The following TAF3 variants were observed in gnomAD, a reference collection of about 807,000 sequenced individuals.
TAF3 encodes the protein TATA-box binding protein associated factor 3, also known as transcription initiation factor TFIID subunit 3.
A neutral mutation model predicts 80.6 loss-of-function variants in TAF3; 7 were observed. The ratio of observed to expected loss-of-function variants is 0.09; its 90% CI spans 0.05 to 0.16. The LOEUF (loss-of-function observed/expected upper bound fraction) is 0.16. TAF3 is among the 10% of genes least tolerant of loss of function. The probability of loss-of-function intolerance (pLI) is 1.00; values close to 1 mark genes in which losing one functional copy is unlikely to be tolerated. For synonymous variants in TAF3, 444 were observed against 446.1 expected (o/e 1.00, Z 0.06); for missense variants, 921 against 1,140.2 (o/e 0.81, Z 2.77).
At chr10:7,904,187 C>T (rs1020781912) in intron 2 of TAF3, among the ~76,000 whole-genome samples, 20 of 152,152 alleles carry the variant, frequency 1.3e-4, no homozygotes, top group Admixed American at 2.0e-4. Context: ...GGTTGGGACA[C>T]GCTCTTCCGA....
At chr10:7,942,823 G>A (rs905785482) in intron 2 of TAF3, among the ~76,000 whole-genome samples, 1 of 152,202 alleles carries the variant, frequency 6.6e-6, no homozygotes, top group South Asian at 2.1e-4. Context: ...TCGTTTTTGG[G>A]CTCTTAACTC....
chr10:7,856,018 A>ATC (rs1308708329), intron 2 of TAF3, among the ~76,000 whole-genome samples: 1 of 152,158 alleles, frequency 6.6e-6, no homozygotes, highest in Non-Finnish European at 1.5e-5. Context: ...AAGCAAGAGC[A>ATC]GGGTGCTATT....
Position 7,973,030 on chromosome 10 carries a change from T to A in TAF3, c.2233-4211T>A, listed in dbSNP as rs191876287. Among the ~76,000 whole-genome samples the A allele has an allele frequency of 3.3e-5, 5 of 152,306 alleles. No individual in the cohort carries two copies. In the East Asian group the frequency reaches 9.6e-4, roughly 29 times the overall value. ...GGGTGAACAGGGGATGAATTTGGTGTCAGGAGACCTGGATTTAGGCCATTT... is the reference window on the plus strand; with the variant it reads ...GGGTGAACAGGGGATGAATTTGGTGACAGGAGACCTGGATTTAGGCCATTT... On this transcript the variant is annotated intron_variant, in intron 3 of 6. Coordinates refer to ENST00000344293, the MANE Select transcript of TAF3 (RefSeq NM_031923.4).
At chr10:7,908,623 G>T (rs1272788175) in intron 2 of TAF3, among the ~76,000 whole-genome samples, 2 of 152,168 alleles carry the variant, frequency 1.3e-5, no homozygotes, top group Non-Finnish European at 2.9e-5. Context: ...GTAGCACAGA[G>T]CTTTATCTGT....
chr10:7,868,111 G>A (rs555328757), intron 2 of TAF3, among the ~76,000 whole-genome samples: 22 of 151,962 alleles, frequency 1.4e-4, no homozygotes, highest in Middle Eastern at 3.2e-3. Flanking sequence ...GGCAGAGGTG[G>A]GAGAAAATCC....
intron 2 of TAF3, among the ~76,000 whole-genome samples, chr10:7,892,267 G>A (rs1041133746): frequency 6.6e-6 from 1 of 152,216 alleles, no homozygotes; most frequent in African/African-American, 2.4e-5. Flanking sequence ...AGATCAATAA[G>A]CAGATTTAGC....
chr10:7,828,588 T>C (rs1386196992), intron 2 of TAF3, among the ~76,000 whole-genome samples: 1 of 152,118 alleles, frequency 6.6e-6, no homozygotes, highest in Non-Finnish European at 1.5e-5. Flanking sequence ...CATATTTTTT[T>C]GCTTCCTATT....
intron 2 of TAF3, among the ~76,000 whole-genome samples, chr10:7,917,998 G>T (rs1263620192): frequency 6.6e-6 from 1 of 152,196 alleles, no homozygotes; most frequent in Non-Finnish European, 1.5e-5. Flanking sequence ...GCAAACACAG[G>T]AAGGTAGCTG....
intron 2 of TAF3, among the ~76,000 whole-genome samples, chr10:7,961,812 A>G (rs1208318455): frequency 6.6e-6 from 1 of 151,676 alleles, no homozygotes; most frequent in East Asian, 1.9e-4. Context: ...TCTGTTCATC[A>G]CTACATTTAT....
rs1313502592 is a variant in TAF3 at position 7,964,753 on chromosome 10, T to C, written c.1243T>C (p.Ser415Pro). 6 of 1,614,094 alleles carry C rather than the reference T, an allele frequency of 3.7e-6. No individual in the cohort carries two copies. Among genetic ancestry groups the C allele is most frequent in the Middle Eastern group, 1.6e-4 (1 of 6,084 alleles). The change falls in exon 3 of 7, where the codon TCT becomes CCT. Residue 415 changes from serine (S) to proline (P), a missense_variant. By Grantham distance (74) the Ser-to-Pro change is moderately conservative. Coordinates refer to ENST00000344293, the MANE Select transcript of TAF3 (RefSeq NM_031923.4). The surrounding 1 kb of genome is among the most constrained non-coding windows in gnomAD (Gnocchi z 4.1). ...DPFEFSSGSE[S>P]EGDIFTSPKR... Reference sequence around the variant, plus strand: ...TTTCGAATTTTCTTCTGGATCGGAATCTGAAGGAGACATTTTTACTAGCCC... The same window carrying C: ...TTTCGAATTTTCTTCTGGATCGGAACCTGAAGGAGACATTTTTACTAGCCC...
chr10:7,909,723 A>G (rs1249754292), intron 2 of TAF3, among the ~76,000 whole-genome samples: 1 of 152,234 alleles, frequency 6.6e-6, no homozygotes, highest in Non-Finnish European at 1.5e-5. Flanking sequence ...TTCTCATAGC[A>G]AAGTGGAGAT....
At chr10:7,828,046 A>G (rs776504046) in intron 2 of TAF3, among the ~76,000 whole-genome samples, 20 of 152,184 alleles carry the variant, frequency 1.3e-4, no homozygotes, top group Non-Finnish European at 2.9e-5. Context: ...TTGAAATACA[A>G]TATACATTAG....
rs917630507 is a variant in TAF3 at position 8,016,026 on chromosome 10, T to C, written c.*1275T>C. 1.3e-5 allele frequency: 2 copies of C among 152,170 alleles called. No homozygotes were observed. Among genetic ancestry groups the C allele is most frequent in the African/African-American group, 4.8e-5 (2 of 41,454 alleles). The allele number at this position is 152,170 out of a possible 1,614,324, so 9.4% of individuals were successfully genotyped here. Reference sequence around the variant, plus strand: ...TTCAGGGTATCACAAAACTTTATTATATTATTATACTGCCCACTATTTATT... The same window carrying C: ...TTCAGGGTATCACAAAACTTTATTACATTATTATACTGCCCACTATTTATT... On this transcript the variant is annotated 3_prime_UTR_variant, in exon 7 of 7. Transcript: ENST00000344293.
At chr10:7,984,527 GCTTAT>G (rs1483114998) in intron 4 of TAF3, among the ~76,000 whole-genome samples, 2 of 152,158 alleles carry the variant, frequency 1.3e-5, no homozygotes, top group East Asian at 1.9e-4. Flanking sequence ...AGTAAATCTA[GCTTAT>G]CTTGAGTCCA....
At chr10:7,848,499 C>T (rs776813561) in intron 2 of TAF3, among the ~76,000 whole-genome samples, 1 of 152,134 alleles carries the variant, frequency 6.6e-6, no homozygotes, top group Non-Finnish European at 1.5e-5. Flanking sequence ...GTATATGGAG[C>T]CCATCTCAGC....
intron 2 of TAF3, among the ~76,000 whole-genome samples, 161 bp downstream of exon 2, chr10:7,824,721 A>G (rs551362730): frequency 3.3e-5 from 5 of 152,370 alleles, no homozygotes; most frequent in Admixed American, 6.5e-5. Flanking sequence ...CAAACTTGCA[A>G]CTGACATTAC....
rs1449874157 is a variant in TAF3 at position 7,863,624 on chromosome 10, A to ATATATAT, written c.409+39064_409+39065insTATATAT. On this transcript the variant is annotated intron_variant, in intron 2 of 6. Transcript: ENST00000344293. ...AACTCTGTCTAAAAAAAAAAAAAAA[A>ATATATAT]AAATATATATATATATATATATACA... 1.3e-3 allele frequency among the ~76,000 whole-genome samples: 73 copies of ATATATAT among 58,092 alleles called. 4 individuals carry two copies. The highest frequency in any genetic ancestry group is 4.5e-3 in the African/African-American group (72 of 16,080). The allele number at this position is 58,092 out of a possible 152,430, so 38.1% of individuals were successfully genotyped here.
intron 2 of TAF3, among the ~76,000 whole-genome samples, chr10:7,849,671 C>T (rs115555668): frequency 6.6e-6 from 1 of 150,768 alleles, no homozygotes; most frequent in African/African-American, 2.4e-5. Flanking sequence ...GGGGTTCATG[C>T]GAACTTTTTT....
intron 4 of TAF3, among the ~76,000 whole-genome samples, chr10:7,986,372 C>T (rs763237204): frequency 2.6e-5 from 4 of 152,092 alleles, no homozygotes; most frequent in African/African-American, 4.8e-5. Context: ...GCATTATTTC[C>T]GCCAGTGTGG....
Sources: gnomAD v4.1 joint callset for allele counts (sites outside exome capture counted in the v4.1 genomes callset) on GRCh38, gnomAD v4.1.1 for gene constraint, Gnocchi (gnomAD v3.1) non-coding constraint, MANE v1.5 for transcripts, NCBI Gene and HGNC (gene_info 2026-07-23, HGNC 2026-07-21) for gene names.